Variants in SLC28A1 observed in about 807,000 individuals in gnomAD.
The protein encoded by SLC28A1 is sodium/nucleoside cotransporter 1.
Under a neutral mutation model 74.8 loss-of-function variants are expected in SLC28A1, and 64 were observed. The ratio of observed to expected loss-of-function variants is 0.86; its 90% CI spans 0.70 to 1.05. The LOEUF (loss-of-function observed/expected upper bound fraction) is 1.05. SLC28A1 is among the 50% of genes least tolerant of loss of function. SLC28A1 has a pLI of 0.00. For synonymous variants in SLC28A1, 359 were observed against 335.0 expected, an observed-to-expected ratio of 1.07 and a Z score of -0.78; for missense variants, 828 against 822.8, an observed-to-expected ratio of 1.01 and a Z score of -0.08.
At chr15:84,949,190 A>G (rs1375851743), downstream of SLC28A1, among the ~76,000 whole-genome samples, 1 of 152,196 alleles carries the variant, frequency 6.6e-6, no homozygotes, top group Non-Finnish European at 1.5e-5. Context: ...AATTTGCTCC[A>G]GACCTGATTC....
chr15:84,945,512 C>G lies in SLC28A1; in HGVS notation c.*312C>G, dbSNP rs1567195422. On this transcript the variant is annotated 3_prime_UTR_variant, in exon 19 of 19. Transcript: ENST00000394573. The stretch of plus-strand genomic sequence containing the variant: ...CAAACAGCACCCTGGTCCTCTCTAT[C>G]CCCCCTCTCCTGGGGTCCCTCACAT... 3.5e-5 allele frequency: 14 copies of G among 402,814 alleles called. 1 individual carries two copies. Among genetic ancestry groups the G allele is most frequent in the South Asian group, 2.7e-4 (13 of 48,172 alleles). 25.0% of individuals were successfully genotyped at this position (402,814 alleles called of 1,614,324 possible).
Position 84,895,140 on chromosome 15 carries a change from C to T in SLC28A1, c.461+17C>T, listed in dbSNP as rs1965837263. ...GTTTAAGAGGTGAGTGAGCTCACAG[C>T]CCCGAGGCAGGGCAGGGGAGGGCCC... is the stretch of plus-strand genomic sequence containing the variant. On this transcript the variant is annotated intron_variant, in intron 6 of 18. Transcript: ENST00000394573. 1.9e-6 allele frequency: 3 copies of T among 1,613,466 alleles called. No individual in the cohort carries two copies. The highest frequency in any genetic ancestry group is 2.5e-6 in the Non-Finnish European group (3 of 1,179,810).
At chr15:84,949,707 A>C (rs1279770454), downstream of SLC28A1, among the ~76,000 whole-genome samples, 1 of 151,590 alleles carries the variant, frequency 6.6e-6, no homozygotes, top group Admixed American at 6.6e-5. Context: ...CACTGTGCCC[A>C]GCCTTAGGAA....
intron 9 of SLC28A1, among the ~76,000 whole-genome samples, chr15:84,910,538 G>T (rs1968015163): frequency 6.6e-6 from 1 of 152,172 alleles, no homozygotes; most frequent in Non-Finnish European, 1.5e-5. Context: ...AGACCAGCCT[G>T]ACCAACATGG....
At chr15:84,936,535 G>T (rs758044479) in intron 15 of SLC28A1, among the ~76,000 whole-genome samples, 4 of 152,154 alleles carry the variant, frequency 2.6e-5, no homozygotes, top group Non-Finnish European at 4.4e-5. Flanking sequence ...GGGATTACAG[G>T]TGTGAGCCAC....
downstream of SLC28A1, among the ~76,000 whole-genome samples, chr15:84,948,533 G>T (rs763730543): frequency 6.6e-5 from 10 of 152,156 alleles, no homozygotes; most frequent in Non-Finnish European, 1.5e-4. Flanking sequence ...GAAGGAATAT[G>T]AATTATAAAA....
chr15:84,952,473 C>T, the SLC28A1 span, among the ~76,000 whole-genome samples: 1 of 152,228 alleles, frequency 6.6e-6, no homozygotes, highest in Non-Finnish European at 1.5e-5. Flanking sequence ...AGTGACGGAC[C>T]ATGAGTGAGC....
chr15:84,962,959 C>T, the SLC28A1 span, among the ~76,000 whole-genome samples: 2 of 152,268 alleles, frequency 1.3e-5, 1 homozygote, highest in Middle Eastern at 6.8e-3. Context: ...ATCAGCAGAG[C>T]CACCAAGCCT....
chr15:84,888,842 C>G lies in SLC28A1; in HGVS notation c.167C>G (p.Pro56Arg), dbSNP rs1196209657. 1.3e-6 allele frequency: 2 copies of G among 1,552,542 alleles called. No homozygotes were observed. The highest frequency in any genetic ancestry group is 8.7e-7 in the Non-Finnish European group (1 of 1,147,466). ...EIRSSWSEAAPKPFSRWRNLQ... is the reference protein window; with the variant it reads ...EIRSSWSEAARKPFSRWRNLQ... ...AGGAGCAGCTGGAGCGAGGCGGCGC[C>G]GAAGCCCTTCTCCAGATGGTAGGTG... is the stretch of plus-strand genomic sequence containing the variant. The change falls in exon 4 of 19, where the codon CCG becomes CGG. Residue 56 changes from proline (P) to arginine (R), a missense_variant. Coordinates refer to ENST00000394573, the MANE Select transcript of SLC28A1 (RefSeq NM_004213.5).
At chr15:84,934,274 G>C (rs1052839780) in intron 13 of SLC28A1, among the ~76,000 whole-genome samples, 1 of 152,192 alleles carries the variant, frequency 6.6e-6, no homozygotes, top group African/African-American at 2.4e-5. Flanking sequence ...AGTGTGGCCT[G>C]GTTCTTGGTC....
the SLC28A1 span, among the ~76,000 whole-genome samples, chr15:84,968,044 A>G: frequency 6.6e-6 from 1 of 152,138 alleles, no homozygotes; most frequent in African/African-American, 2.4e-5. Context: ...ATCACTGGGG[A>G]CCAAGACACC....
intron 15 of SLC28A1, among the ~76,000 whole-genome samples, chr15:84,935,943 TG>T (rs71460453): frequency 0.72 from 75,478 of 105,372 alleles, 27,430 homozygotes; most frequent in East Asian, 0.93. Flanking sequence ...TGTTTTGGTT[TG>T]GTTTTTGTTT....
chr15:84,950,359 CTTTTTTT>C (rs571049176), downstream of SLC28A1, among the ~76,000 whole-genome samples: 213 of 127,564 alleles, frequency 1.7e-3, 1 homozygote, highest in African/African-American at 3.9e-3. Flanking sequence ...CGCCAGTCTC[CTTTTTTT>C]TTTTTTTTTT....
chr15:84,911,858 CAAAAAA>C (rs57067372), intron 9 of SLC28A1, among the ~76,000 whole-genome samples: 1 of 114,704 alleles, frequency 8.7e-6, no homozygotes, highest in Non-Finnish European at 1.7e-5. Flanking sequence ...GACTCCATCT[CAAAAAA>C]AAAAAAAAAA....
chr15:84,916,831 C>A (rs1363163579), intron 9 of SLC28A1, among the ~76,000 whole-genome samples: 1 of 152,042 alleles, frequency 6.6e-6, no homozygotes, highest in East Asian at 1.9e-4. Flanking sequence ...AGCTCGAGAC[C>A]AGCCTGGCCA....
chr15:84,901,417 G>T (rs1016884306), intron 6 of SLC28A1, among the ~76,000 whole-genome samples: 12 of 152,146 alleles, frequency 7.9e-5, no homozygotes, highest in Non-Finnish European at 1.2e-4. Flanking sequence ...TGAGGCAGGA[G>T]AATTGCTCGA....
chr15:84,929,205 TAA>T (rs1190432637), intron 12 of SLC28A1, among the ~76,000 whole-genome samples: 4 of 152,246 alleles, frequency 2.6e-5, no homozygotes, highest in African/African-American at 9.6e-5. Context: ...TTGAGTTAAA[TAA>T]GACATTATTA....
At chr15:84,887,283 T>C (rs1052195041) in intron 2 of SLC28A1, 1 of 856,088 alleles carries the variant, frequency 1.2e-6, no homozygotes, top group African/African-American at 1.8e-5. Context: ...CAGATACATA[T>C]GCAGGCTGTA....
the SLC28A1 span, among the ~76,000 whole-genome samples, chr15:84,954,341 A>G: frequency 6.6e-6 from 1 of 152,180 alleles, no homozygotes; most frequent in Non-Finnish European, 1.5e-5. Context: ...TTGTTTCCTG[A>G]TGAAAGCAAC....
Sources: allele counts gnomAD v4.1 joint callset (sites outside exome capture counted in the v4.1 genomes callset), GRCh38; gene constraint gnomAD v4.1.1; transcripts MANE v1.5; gene names NCBI Gene and HGNC (gene_info 2026-07-23, HGNC 2026-07-21).